CNTN5: variants seen among roughly 807,000 people sequenced by gnomAD.
CNTN5 encodes the protein contactin-5.
A neutral mutation model predicts 129.1 loss-of-function variants in CNTN5; 77 were observed. The ratio of observed to expected loss-of-function variants is 0.60; its 90% CI spans 0.50 to 0.72. The LOEUF is 0.72. Among genes scored for constraint, CNTN5 ranks in the 30% least tolerant of loss-of-function variants. The pLI, the probability that CNTN5 is intolerant of heterozygous loss-of-function variation, is 0.00. For synonymous variants in CNTN5, 509 were observed against 465.6 expected (o/e 1.09, Z -1.20); for missense variants, 1,478 against 1,328.8 (o/e 1.11, Z -1.75).
At chr11:100,130,709 T>TTGGAAG (rs1337030169) in intron 13 of CNTN5, among the ~76,000 whole-genome samples, 1 of 151,932 alleles carries the variant, frequency 6.6e-6, no homozygotes, top group African/African-American at 2.4e-5. Flanking sequence ...TAGATAAGAT[T>TTGGAAG]TGGAAGTGGA....
chr11:99,044,471 C>G (rs1311410278), intron 1 of CNTN5, among the ~76,000 whole-genome samples: 1 of 152,082 alleles, frequency 6.6e-6, no homozygotes, highest in Non-Finnish European at 1.5e-5. Context: ...CAGTCTAGTC[C>G]TCATTTCCAA....
intron 13 of CNTN5, among the ~76,000 whole-genome samples, chr11:100,160,167 C>T (rs564473009): frequency 1.1e-4 from 16 of 151,894 alleles, no homozygotes; most frequent in African/African-American, 2.9e-4. Flanking sequence ...TGACAACATG[C>T]GGTGTTTGGT....
chr11:99,046,827 T>A (rs930305955), intron 1 of CNTN5, among the ~76,000 whole-genome samples: 2 of 152,064 alleles, frequency 1.3e-5, no homozygotes, highest in African/African-American at 4.8e-5. Flanking sequence ...TAAATATAAC[T>A]TGCCCATTGC....
chr11:100,277,540 T>C (rs1025437140), intron 18 of CNTN5, among the ~76,000 whole-genome samples: 1 of 152,154 alleles, frequency 6.6e-6, no homozygotes, highest in African/African-American at 2.4e-5. Context: ...TTACATCTTA[T>C]TGAAGTTTTG....
chr11:99,821,462 A>T (rs998237629), intron 4 of CNTN5, among the ~76,000 whole-genome samples: 3 of 152,182 alleles, frequency 2.0e-5, no homozygotes, highest in African/African-American at 7.2e-5. Context: ...CAGTATTTCA[A>T]ATATTAAAAT....
chr11:100,286,051 C>T (rs1172231224), intron 18 of CNTN5, among the ~76,000 whole-genome samples: 2 of 152,218 alleles, frequency 1.3e-5, no homozygotes, highest in Non-Finnish European at 2.9e-5. Flanking sequence ...TTCCGATAGG[C>T]TTAAAAAACG....
At chr11:99,268,530 T>A (rs1007233043) in intron 1 of CNTN5, among the ~76,000 whole-genome samples, 2 of 151,890 alleles carry the variant, frequency 1.3e-5, no homozygotes, top group African/African-American at 4.8e-5. Flanking sequence ...TTGTTTATCA[T>A]GAAAACAAGG....
chr11:100,270,039 C>T (rs890061266), intron 17 of CNTN5, among the ~76,000 whole-genome samples: 8 of 152,150 alleles, frequency 5.3e-5, no homozygotes, highest in Admixed American at 5.2e-4. Flanking sequence ...GCCAGTGCAG[C>T]AAGAGGGAAC....
chr11:100,008,103 C>G (rs192463624), intron 9 of CNTN5, among the ~76,000 whole-genome samples: 1 of 152,120 alleles, frequency 6.6e-6, no homozygotes, highest in African/African-American at 2.4e-5. Context: ...GGGCATAGTT[C>G]ATGGAGCTTC....
At chr11:99,663,271 C>T (rs1219007710) in intron 3 of CNTN5, among the ~76,000 whole-genome samples, 1 of 152,102 alleles carries the variant, frequency 6.6e-6, no homozygotes, top group Non-Finnish European at 1.5e-5. Context: ...AGTTCGAGAC[C>T]AGCCTGGCCA....
intron 3 of CNTN5, among the ~76,000 whole-genome samples, chr11:99,798,219 C>A (rs1462174967): frequency 6.6e-6 from 1 of 151,636 alleles, no homozygotes; most frequent in Non-Finnish European, 1.5e-5. Context: ...ATTTGGTTTT[C>A]TGTTCTTGCA....
chr11:99,817,604 T>G (rs1474676730), intron 3 of CNTN5, among the ~76,000 whole-genome samples: 1 of 146,608 alleles, frequency 6.8e-6, no homozygotes, highest in African/African-American at 2.5e-5. Context: ...TAGTTTTTTT[T>G]TTTTTTTTTT....
intron 1 of CNTN5, among the ~76,000 whole-genome samples, chr11:99,059,355 C>A (rs1363531594): frequency 6.6e-6 from 1 of 151,994 alleles, no homozygotes; most frequent in South Asian, 2.1e-4. Context: ...AGAGAGGGAA[C>A]TTTACTTCAT....
chr11:99,661,986 G>A (rs762400387), intron 3 of CNTN5, among the ~76,000 whole-genome samples: 2 of 152,036 alleles, frequency 1.3e-5, no homozygotes, highest in African/African-American at 4.8e-5. Flanking sequence ...AATTGATTGT[G>A]TTTACATGGT....
At chr11:100,330,130 TA>T (rs1311447321) in intron 21 of CNTN5, among the ~76,000 whole-genome samples, 1 of 151,906 alleles carries the variant, frequency 6.6e-6, no homozygotes, top group African/African-American at 2.4e-5. Flanking sequence ...AGCACAAATT[TA>T]AAAAAATCAC....
intron 21 of CNTN5, among the ~76,000 whole-genome samples, chr11:100,335,575 C>G (rs1356663568): frequency 1.3e-5 from 2 of 152,174 alleles, no homozygotes; most frequent in East Asian, 3.9e-4. Flanking sequence ...TAAGACCAGC[C>G]CGGCCAACAT....
At chr11:99,484,129 G>A (rs867475526) in intron 2 of CNTN5, among the ~76,000 whole-genome samples, 13 of 151,904 alleles carry the variant, frequency 8.6e-5, no homozygotes, top group African/African-American at 2.4e-4. Context: ...ATGATCTGAC[G>A]AGGATTAATA....
At chr11:100,149,332 A>C (rs1327731328) in intron 13 of CNTN5, among the ~76,000 whole-genome samples, 1 of 152,194 alleles carries the variant, frequency 6.6e-6, no homozygotes, top group Non-Finnish European at 1.5e-5. Flanking sequence ...ACAATGCAGT[A>C]AAATTAAATA....
At chr11:99,826,566 TGAG>T (rs1468161890) in intron 4 of CNTN5, among the ~76,000 whole-genome samples, 3 of 152,170 alleles carry the variant, frequency 2.0e-5, no homozygotes, top group Non-Finnish European at 2.9e-5. Flanking sequence ...GAAGCAAAAT[TGAG>T]GAAGTGATAC....
Sources: gnomAD v4.1 joint callset for allele counts (sites outside exome capture counted in the v4.1 genomes callset) on GRCh38, gnomAD v4.1.1 for gene constraint, MANE v1.5 for transcripts, NCBI Gene and HGNC (gene_info 2026-07-23, HGNC 2026-07-21) for gene names.